Variants in EXOC6 observed in about 807,000 individuals in gnomAD.
The protein encoded by EXOC6 is SEC15-like 1.
Under a neutral mutation model 112.5 loss-of-function variants are expected in EXOC6, and 60 were observed. The observed-to-expected ratio is 0.53, with a 90% CI of 0.43 to 0.66. EXOC6 has a LOEUF of 0.66. Among genes scored for constraint, EXOC6 ranks in the 30% least tolerant of loss-of-function variants. EXOC6 has a pLI of 0.00. For missense variants in EXOC6, 855 were observed against 957.1 expected (o/e 0.89, Z 1.41); for synonymous variants, 295 against 308.0 (o/e 0.96, Z 0.44).
chr10:93,023,881 G>A (rs558154393), intron 20 of EXOC6, among the ~76,000 whole-genome samples: 2 of 151,866 alleles, frequency 1.3e-5, no homozygotes, highest in African/African-American at 4.8e-5. Flanking sequence ...AATACATAGA[G>A]ATATTTCACT....
In EXOC6 at chr10:92,982,361, A is replaced by G. The variant is rs564712168; in HGVS notation, c.1953+8129A>G. ...TGGGAAATATATATCCCAAGATCCA[A>G]TTGTGCACACTTCTTTCCAACTGTG... On this transcript the variant is annotated intron_variant, in intron 18 of 21. Coordinates refer to ENST00000260762, the MANE Select transcript of EXOC6 (RefSeq NM_019053.6). Among the ~76,000 whole-genome samples, 13 of 150,628 alleles carry G rather than the reference A, an allele frequency of 8.6e-5. No individual in the cohort carries two copies. The South Asian group carries it at 1.7e-3, about 20-fold the overall frequency.
At chr10:92,856,436 ATTAT>A in intron 1 of EXOC6, among the ~76,000 whole-genome samples, 1 of 151,874 alleles carries the variant, frequency 6.6e-6, no homozygotes, top group Non-Finnish European at 1.5e-5. Flanking sequence ...AGTTTTCCTT[ATTAT>A]TTCCTCTTTC....
intron 19 of EXOC6, among the ~76,000 whole-genome samples, chr10:93,010,138 A>T (rs542493609): frequency 6.6e-6 from 1 of 152,350 alleles, no homozygotes; most frequent in East Asian, 1.9e-4. Context: ...CTGTGAATCA[A>T]TAGCATATCA....
intron 9 of EXOC6, among the ~76,000 whole-genome samples, chr10:92,930,851 T>C (rs1318226593): frequency 2.0e-5 from 3 of 151,992 alleles, no homozygotes; most frequent in Non-Finnish European, 4.4e-5. Flanking sequence ...AGCTGGCTCA[T>C]GCCTGTAATC....
intron 1 of EXOC6, among the ~76,000 whole-genome samples, chr10:92,842,360 GAAAA>G (rs34778339): frequency 1.9e-5 from 2 of 107,138 alleles, no homozygotes; most frequent in Non-Finnish European, 3.7e-5. Context: ...CTCTGTCTCA[GAAAA>G]AAAAAAAAAA....
At chr10:92,924,721 T>G (rs1851614465) in intron 8 of EXOC6, among the ~76,000 whole-genome samples, 1 of 152,178 alleles carries the variant, frequency 6.6e-6, no homozygotes, top group South Asian at 2.1e-4. Context: ...ACAAGTGGCT[T>G]TTGGTTATGT....
chr10:92,860,101 TA>T (rs942708031), intron 1 of EXOC6, among the ~76,000 whole-genome samples: 1 of 152,152 alleles, frequency 6.6e-6, no homozygotes, highest in African/African-American at 2.4e-5. Flanking sequence ...TTTAGTGGAT[TA>T]AAACCCCTAA....
At chr10:92,880,116 C>A (rs968468136) in intron 1 of EXOC6, among the ~76,000 whole-genome samples, 10 of 152,096 alleles carry the variant, frequency 6.6e-5, no homozygotes, top group African/African-American at 2.4e-4. Context: ...GGATTTGCTT[C>A]CGGGAACCGG....
rs76241447 is a variant in EXOC6 at position 92,854,693 on chromosome 10, A to G, written c.101+6059A>G. Among the ~76,000 whole-genome samples the G allele has an allele frequency of 1.9e-3, 290 of 152,322 alleles. 7 individuals carry two copies. The East Asian group carries it at 0.047, about 25-fold the overall frequency. ...TGTAAACCAACTTTGTATTCATGGG[A>G]TAAATCCCATTTGATCATAGTGCAT... On this transcript the variant is annotated intron_variant, in intron 1 of 21. Coordinates refer to ENST00000260762, the MANE Select transcript of EXOC6 (RefSeq NM_019053.6).
intron 14 of EXOC6, among the ~76,000 whole-genome samples, chr10:92,950,637 A>T (rs2134004537): frequency 6.6e-6 from 1 of 152,348 alleles, no homozygotes; most frequent in Non-Finnish European, 1.5e-5. Flanking sequence ...GTCAAAGTAG[A>T]TGAAGTACAA....
At chr10:92,852,174 TAAG>T (rs1564772117) in intron 1 of EXOC6, among the ~76,000 whole-genome samples, 1 of 152,202 alleles carries the variant, frequency 6.6e-6, no homozygotes, top group African/African-American at 2.4e-5. Context: ...AAAGTTCACT[TAAG>T]AAGAAATAGC....
intron 18 of EXOC6, among the ~76,000 whole-genome samples, chr10:92,987,054 T>C (rs1433991634): frequency 4.6e-5 from 7 of 152,204 alleles, no homozygotes; most frequent in East Asian, 1.9e-4. Context: ...AGTAGACTTA[T>C]CCTAAGCATC....
At chr10:92,964,231 T>A (rs1854178027) in intron 17 of EXOC6, among the ~76,000 whole-genome samples, 1 of 151,528 alleles carries the variant, frequency 6.6e-6, no homozygotes, top group Non-Finnish European at 1.5e-5. Flanking sequence ...ATAATGGAAA[T>A]TATATATATA....
rs368656724 is a variant in EXOC6 at position 92,834,761 on chromosome 10, A to G, written c.23A>G (p.Gln8Arg). ...GCGATGTTGGAAGAAGAAACAGATC[A>G]AACCTATGAGAATGTCCTGGCTGAG... Residue 8 changes from glutamine to arginine, a missense_variant, in exon 1 of 22, where the codon CAA becomes CGA. Gln to Arg is a conservative substitution (Grantham distance 43). Coordinates refer to the EXOC6 transcript ENST00000371552. 14 of 1,611,110 alleles carry G rather than the reference A, an allele frequency of 8.7e-6. No homozygotes were observed. The African/African-American group carries it at 1.9e-4, about 22-fold the overall frequency.
At chr10:92,880,047 A>G (rs1373464877) in intron 1 of EXOC6, among the ~76,000 whole-genome samples, 1 of 152,202 alleles carries the variant, frequency 6.6e-6, no homozygotes, top group South Asian at 2.1e-4. Flanking sequence ...CGAGTATGAG[A>G]TTCACATCAT....
chr10:92,997,419 A>T (rs553918633), intron 18 of EXOC6, 55 bp from the exon 19 acceptor site: 1 of 1,501,596 alleles, frequency 6.7e-7, no homozygotes, highest in African/African-American at 1.4e-5. Context: ...ATTCTTTATG[A>T]TGTATTTCTA....
At chr10:92,858,003 A>T (rs1049370741) in intron 1 of EXOC6, among the ~76,000 whole-genome samples, 21 of 129,840 alleles carry the variant, frequency 1.6e-4, no homozygotes, top group African/African-American at 6.0e-4. Flanking sequence ...ACCATATGTA[A>T]GATTTTTAGT....
chr10:92,913,367 C>T (rs543909648), intron 6 of EXOC6, among the ~76,000 whole-genome samples: 166 of 152,310 alleles, frequency 1.1e-3, no homozygotes, highest in African/African-American at 3.8e-3. Context: ...GTATTCTCTT[C>T]TCCTTTTGGT....
At chr10:92,922,435 A>G (rs552825071) in intron 8 of EXOC6, among the ~76,000 whole-genome samples, 2 of 152,360 alleles carry the variant, frequency 1.3e-5, no homozygotes, top group Admixed American at 6.5e-5. Context: ...TGCTTGGTAT[A>G]GGACCTGGTA....
Sources: allele counts gnomAD v4.1 joint callset (sites outside exome capture counted in the v4.1 genomes callset), GRCh38; gene constraint gnomAD v4.1.1; transcripts MANE v1.5; gene names NCBI Gene and HGNC (gene_info 2026-07-23, HGNC 2026-07-21).